The following KIF13B variants were observed in gnomAD, a reference collection of about 807,000 sequenced individuals.
KIF13B encodes kinesin-like protein KIF13B.
In KIF13B, 127 loss-of-function variants were observed where a neutral mutation model predicts 222.0. The observed-to-expected ratio is 0.57, with a 90% CI of 0.50 to 0.66. The LOEUF (loss-of-function observed/expected upper bound fraction) is 0.66, where lower values mean the gene tolerates loss of function less well. KIF13B is among the 30% of genes least tolerant of loss of function. The probability of loss-of-function intolerance (pLI) is 0.00; values close to 1 mark genes in which losing one functional copy is unlikely to be tolerated. For missense variants in KIF13B, 2,173 were observed against 2,379.0 expected, an observed-to-expected ratio of 0.91 and a Z score of 1.80; for synonymous variants, 976 against 919.0, an observed-to-expected ratio of 1.06 and a Z score of -1.12.
intron 35 of KIF13B, among the ~76,000 whole-genome samples, chr8:29,104,992 G>C (rs924649245): frequency 1.3e-5 from 2 of 148,456 alleles, no homozygotes; most frequent in African/African-American, 5.0e-5. Context: ...TGGAAGACAG[G>C]GTCTCTCTCT....
chr8:29,194,077 G>A (rs989489875), intron 3 of KIF13B, among the ~76,000 whole-genome samples: 7 of 150,550 alleles, frequency 4.6e-5, no homozygotes, highest in African/African-American at 1.5e-4. Flanking sequence ...GCTGGCCTCC[G>A]CCTCCCAAAG....
intron 2 of KIF13B, among the ~76,000 whole-genome samples, chr8:29,230,591 T>A (rs1053229943): frequency 1.3e-5 from 2 of 152,032 alleles, no homozygotes; most frequent in Non-Finnish European, 2.9e-5. Flanking sequence ...AAGGCTTCTG[T>A]GGGAGTGTAT....
At chr8:29,130,692 A>C (rs1552470) in intron 23 of KIF13B, 27 bp from the exon 24 acceptor site, 42 of 1,612,342 alleles carry the variant, frequency 2.6e-5, no homozygotes, top group Non-Finnish European at 3.4e-5. Context: ...GTTCTTGGAA[A>C]ATCATACATT....
At chr8:29,202,517 C>T (rs1356552014) in intron 2 of KIF13B, among the ~76,000 whole-genome samples, 1 of 152,146 alleles carries the variant, frequency 6.6e-6, no homozygotes, top group African/African-American at 2.4e-5. Context: ...AGCGTTTCAC[C>T]ATGTTGGCCA....
chr8:29,103,418 T>C (rs1030856192), intron 35 of KIF13B, among the ~76,000 whole-genome samples: 3 of 152,070 alleles, frequency 2.0e-5, no homozygotes, highest in East Asian at 3.8e-4. Flanking sequence ...CAGACAGTCA[T>C]AAAAAGCCTG....
intron 2 of KIF13B, among the ~76,000 whole-genome samples, chr8:29,239,376 TAAGAC>T (rs752139795): frequency 7.9e-5 from 12 of 152,150 alleles, no homozygotes; most frequent in African/African-American, 2.7e-4. Context: ...TCATTGCAAA[TAAGAC>T]AAGAGGGGAA....
rs745825145 is a variant in KIF13B, at chr8:29,123,469, G to T, written c.3376C>A (p.Arg1126Ser). The T allele has an allele frequency of 5.0e-6, 8 of 1,613,990 alleles. No homozygotes were observed. Among genetic ancestry groups the T allele is most frequent in the Non-Finnish European group, 5.9e-6 (7 of 1,179,898 alleles). The change falls in exon 28 of 40, where the codon CGT (arginine) becomes AGT (serine). Residue 1126 changes from arginine to serine, a missense_variant. This residue lies in a region of KIF13B where 1,480 missense variants were observed against 1,722.8 expected (regional missense o/e 0.86). Coordinates refer to ENST00000524189, the MANE Select transcript of KIF13B (RefSeq NM_015254.4). ...KRDKTEDDAD[R>S]EAQLLEMRLT... is the part of the protein sequence containing the mutation. ...CGCATCTCCAGAAGCTGCGCTTCAC[G>T]GTCAGCATCATCCTCTGTTTTATCT...
chr8:29,263,143 CG>C (rs1318338000), upstream of KIF13B: 5 of 341,684 alleles, frequency 1.5e-5, no homozygotes. Context: ...GGGTGGGGAC[CG>C]GGCTGGGGGC....
At chr8:29,251,924 G>C (rs79651764) in intron 1 of KIF13B, among the ~76,000 whole-genome samples, 2,954 of 152,008 alleles carry the variant, frequency 0.019, 47 homozygotes, top group Middle Eastern at 0.034. Flanking sequence ...AAGTAGTACT[G>C]TAAGTTTATT....
At chr8:29,202,254 G>A (rs1403152235) in intron 2 of KIF13B, among the ~76,000 whole-genome samples, 1 of 152,156 alleles carries the variant, frequency 6.6e-6, no homozygotes, top group Non-Finnish European at 1.5e-5. Flanking sequence ...CTTGTTTTAG[G>A]TCACTTCCAG....
chr8:29,092,931 T>C (rs1038842800), intron 36 of KIF13B, 53 bp from the exon 37 acceptor site: 3 of 1,486,326 alleles, frequency 2.0e-6, no homozygotes, highest in Non-Finnish European at 1.8e-6. Flanking sequence ...CATAGACATC[T>C]TCTTTCCTGT....
rs540389424 is a variant in KIF13B, at chr8:29,139,958, A to T, written c.2613+105T>A. The T allele has an allele frequency of 2.8e-4, 284 of 1,022,200 alleles. 1 individual carries two copies. The highest frequency in any genetic ancestry group is 3.5e-4 in the Non-Finnish European group (248 of 708,664). 63.3% of individuals were successfully genotyped at this position (1,022,200 alleles called of 1,614,324 possible). A position where few individuals can be genotyped will look rare whatever the true frequency, so the allele number is the denominator to read the frequency against. On this transcript the variant is annotated intron_variant, in intron 21 of 39. Transcript: ENST00000524189. Reference sequence around the variant, plus strand: ...AGACCTGCAGTTCTCAAAATCAGCTATTAGGTTGGTGCAAAAGTAATTGTG... The same window carrying T: ...AGACCTGCAGTTCTCAAAATCAGCTTTTAGGTTGGTGCAAAAGTAATTGTG...
At chr8:29,086,932 G>C (rs1808070250) in intron 37 of KIF13B, among the ~76,000 whole-genome samples, 3 of 152,186 alleles carry the variant, frequency 2.0e-5, no homozygotes. Flanking sequence ...TAAAGCACAA[G>C]ACTCAAAACA....
At chr8:29,213,575 G>T (rs537438669) in intron 2 of KIF13B, among the ~76,000 whole-genome samples, 1 of 152,262 alleles carries the variant, frequency 6.6e-6, no homozygotes, top group Admixed American at 6.5e-5. Context: ...TATGGTATAG[G>T]CTATTGCTCC....
At chr8:29,145,624 C>T (rs1025024093) in intron 18 of KIF13B, among the ~76,000 whole-genome samples, 3 of 151,926 alleles carry the variant, frequency 2.0e-5, no homozygotes, top group African/African-American at 4.8e-5. Flanking sequence ...GAGTAAGACT[C>T]CCTCTCAAAC....
At chr8:29,184,265 T>C (rs1812837535) in intron 6 of KIF13B, among the ~76,000 whole-genome samples, 1 of 152,044 alleles carries the variant, frequency 6.6e-6, no homozygotes, top group Non-Finnish European at 1.5e-5. Flanking sequence ...GGTCTTTGAC[T>C]GAAATGAGAT....
At chr8:29,118,770 T>C in intron 30 of KIF13B, 98 bp downstream of exon 30, 2 of 1,243,356 alleles carry the variant, frequency 1.6e-6, no homozygotes, top group Non-Finnish European at 2.3e-6. Flanking sequence ...TTGAGAAATG[T>C]AAAGTACTGG....
chr8:29,096,293 C>CTTT (rs61008499), intron 36 of KIF13B, among the ~76,000 whole-genome samples: 8 of 76,686 alleles, frequency 1.0e-4, no homozygotes, highest in Non-Finnish European at 1.4e-4. Flanking sequence ...CCAAGCTTTT[C>CTTT]TTTTTTTTTT....
rs138771311 is a variant in KIF13B at position 29,170,674 on chromosome 8, A to G, written c.946-3089T>C. 2.2e-3 allele frequency among the ~76,000 whole-genome samples: 340 copies of G among 152,290 alleles called. 4 individuals are homozygous for G. Among genetic ancestry groups the G allele is most frequent in the African/African-American group, 7.4e-3 (309 of 41,552 alleles). ...AGTAAAGTCCTAGAGGCAAGACAAC[A>G]CTCATCACTTAGCTGGAATTTGTAA... is the stretch of plus-strand genomic sequence containing the variant. On this transcript the variant is annotated intron_variant, in intron 10 of 39. Coordinates refer to ENST00000524189, the MANE Select transcript of KIF13B (RefSeq NM_015254.4).
Sources: allele counts gnomAD v4.1 joint callset (sites outside exome capture counted in the v4.1 genomes callset), GRCh38; gene constraint gnomAD v4.1.1; regional missense constraint gnomAD v4.1.1; transcripts MANE v1.5; gene names NCBI Gene and HGNC (gene_info 2026-07-23, HGNC 2026-07-21).